LAMC3: variants seen among roughly 807,000 people sequenced by gnomAD.
LAMC3 encodes the protein laminin subunit gamma-3.
LAMC3 carries 128 observed loss-of-function variants against 173.8 expected under a neutral mutation model. The ratio of observed to expected loss-of-function variants is 0.74; its 90% CI spans 0.64 to 0.85. The LOEUF (loss-of-function observed/expected upper bound fraction) is 0.85. Among genes scored for constraint, LAMC3 ranks in the 40% least tolerant of loss-of-function variants. The probability of loss-of-function intolerance (pLI) is 0.00; values close to 1 mark genes in which losing one functional copy is unlikely to be tolerated. For synonymous variants in LAMC3, 897 were observed against 909.1 expected (o/e 0.99, Z 0.24); for missense variants, 2,022 against 2,156.0 (o/e 0.94, Z 1.23).
intron 13 of LAMC3, among the ~76,000 whole-genome samples, 181 bp from the exon 14 acceptor site, chr9:131,066,779 C>T (rs1829941550): frequency 6.6e-6 from 1 of 152,188 alleles, no homozygotes; most frequent in South Asian, 2.1e-4. Context: ...CCTAGAGGCG[C>T]AGTGGCTTGC....
rs902541016 is a variant in LAMC3, at chr9:131,066,882, T to A, written c.2348-78T>A. ...GCTCCGGGGAAGGTGGAGGGACGCT[T>A]GCTCTGCTTCACACCCACCCTCATC... On this transcript the variant is annotated intron_variant, in intron 13 of 27. Transcript: ENST00000361069. 17 of 1,575,748 alleles carry A rather than the reference T, an allele frequency of 1.1e-5. No homozygotes were observed. In the Admixed American group the frequency reaches 2.9e-4, roughly 27 times the overall value.
intron 1 of LAMC3, among the ~76,000 whole-genome samples, chr9:131,025,791 T>C (rs2133225029): frequency 6.6e-6 from 1 of 152,002 alleles, no homozygotes; most frequent in Middle Eastern, 3.4e-3. Context: ...TCTTGGGAAA[T>C]TTGGAAGATA....
At chr9:131,062,877 T>TAAA (rs760536917) in intron 13 of LAMC3, among the ~76,000 whole-genome samples, 4 of 132,362 alleles carry the variant, frequency 3.0e-5, no homozygotes, top group Non-Finnish European at 6.6e-5. Context: ...TCAAAAAAAT[T>TAAA]AAAAAAAAAA....
chr9:131,029,269 C>G lies in LAMC3; in HGVS notation c.678+2680C>G, dbSNP rs1249694720. Among the ~76,000 whole-genome samples, 1 of 152,212 alleles carries G rather than the reference C, an allele frequency of 6.6e-6. No individual in the cohort carries two copies. The highest frequency in any genetic ancestry group is 1.5e-5 in the Non-Finnish European group (1 of 68,042). On this transcript the variant is annotated intron_variant, in intron 2 of 27. Coordinates refer to ENST00000361069, the MANE Select transcript of LAMC3 (RefSeq NM_006059.4). This position sits in a 1 kb window ranked among gnomAD's most constrained non-coding sequence, Gnocchi z 4.6. ...TCTAGACGTCCAGGCCCTGCTTGTC[C>G]CACTAAAATTGTACATGTCACCATG...
At chr9:131,033,387 A>G (rs3808809) in intron 3 of LAMC3, among the ~76,000 whole-genome samples, 127,440 of 152,160 alleles carry the variant, frequency 0.84, 53,737 homozygotes, top group African/African-American at 0.94. Context: ...ACAAGGAAGG[A>G]GAGGAAAGGG....
chr9:131,022,109 G>A (rs907299875), intron 1 of LAMC3, among the ~76,000 whole-genome samples: 15 of 152,054 alleles, frequency 9.9e-5, no homozygotes. Context: ...GTGAAAGGAG[G>A]GCAGGAGAAG....
chr9:131,030,177 G>A (rs572819476), intron 2 of LAMC3, among the ~76,000 whole-genome samples: 1 of 152,024 alleles, frequency 6.6e-6, no homozygotes, highest in Non-Finnish European at 1.5e-5. Flanking sequence ...TGGTCTCAAG[G>A]GATCTGCCCG....
intron 1 of LAMC3, among the ~76,000 whole-genome samples, chr9:131,017,587 G>A (rs1445511241): frequency 2.7e-5 from 4 of 150,048 alleles, no homozygotes; most frequent in African/African-American, 7.4e-5. Flanking sequence ...TTAACCAAGC[G>A]TTGTGTTGGG....
Position 131,063,864 on chromosome 9 carries a change from C to T in LAMC3, c.2347+2641C>T, listed in dbSNP as rs143893915. ...CTGTTCCAGTTTGTCTTTTCCTTTC[C>T]GTTCCGTTCCGCCTTTTCCTTTTCA... is the stretch of plus-strand genomic sequence containing the variant. On this transcript the variant is annotated intron_variant, in intron 13 of 27. Transcript: ENST00000361069. 5.5e-3 allele frequency among the ~76,000 whole-genome samples: 843 copies of T among 152,274 alleles called. 6 individuals are homozygous for T. The highest frequency in any genetic ancestry group is 8.0e-3 in the Non-Finnish European group (544 of 68,030).
intron 1 of LAMC3, among the ~76,000 whole-genome samples, chr9:131,017,817 A>G (rs1378104461): frequency 1.3e-5 from 2 of 151,072 alleles, no homozygotes; most frequent in Non-Finnish European, 3.0e-5. Flanking sequence ...CCTTCGGTCA[A>G]GAGTTCGAGA....
chr9:131,052,353 T>A, intron 9 of LAMC3, 138 bp from the exon 10 acceptor site: 1 of 787,272 alleles, frequency 1.3e-6, no homozygotes. Flanking sequence ...CAGGGTCTGC[T>A]GTGCAGGAAG....
rs778088732 is a variant in LAMC3 at position 131,087,581 on chromosome 9, G to T, written c.4336G>T (p.Ala1446Ser). 8.1e-6 allele frequency: 13 copies of T among 1,613,920 alleles called. No individual in the cohort carries two copies. The highest frequency in any genetic ancestry group is 2.2e-5 in the South Asian group (2 of 91,096). Residue 1446 changes from alanine to serine, a missense_variant, in exon 26 of 28, where the codon GCG (alanine) becomes TCG (serine). Ala to Ser is a moderately conservative substitution (Grantham distance 99, BLOSUM62 1). Transcript: ENST00000361069. ...CCAACAGGCGTCCCAGCAGGTGCTG[G>T]CGTCTGAAGCACGCAGACAGGAGCT... is the stretch of plus-strand genomic sequence containing the variant. ...TLQQASQQVL[A>S]SEARRQELEE...
At chr9:131,083,407 G>A (rs1830276277) in intron 24 of LAMC3, among the ~76,000 whole-genome samples, 1 of 152,142 alleles carries the variant, frequency 6.6e-6, no homozygotes, top group Non-Finnish European at 1.5e-5. Context: ...CTTACCACCA[G>A]CTTGGCTGTG....
intron 1 of LAMC3, among the ~76,000 whole-genome samples, chr9:131,012,881 G>A (rs1055357160): frequency 2.0e-5 from 3 of 152,242 alleles, no homozygotes; most frequent in Non-Finnish European, 4.4e-5. Flanking sequence ...CCAGCCCCCC[G>A]TGGCTCCTGG....
chr9:131,079,600 A>G (rs899731531), intron 23 of LAMC3, among the ~76,000 whole-genome samples: 9 of 152,184 alleles, frequency 5.9e-5, no homozygotes, highest in African/African-American at 1.9e-4. Flanking sequence ...AGGCTGAGGC[A>G]GGAGAATCGC....
chr9:131,050,797 T>G (rs1441478935), intron 9 of LAMC3, among the ~76,000 whole-genome samples: 2 of 151,720 alleles, frequency 1.3e-5, no homozygotes, highest in Non-Finnish European at 2.9e-5. Flanking sequence ...AAAAGAGTAT[T>G]TAATGGTGCA....
At chr9:131,055,522 T>C (rs1216600825) in intron 11 of LAMC3, among the ~76,000 whole-genome samples, 1 of 147,114 alleles carries the variant, frequency 6.8e-6, no homozygotes, top group Non-Finnish European at 1.5e-5. Flanking sequence ...CCTCCCGGGT[T>C]CATGTCATCC....
chr9:131,026,706 T>A lies in LAMC3; in HGVS notation c.678+117T>A, dbSNP rs1459718597. ...GGGGACCTGCAAAACCCCATGGTTT[T>A]CTTTTTCTTCTTTTATTTTTGGAGA... On this transcript the variant is annotated intron_variant, in intron 2 of 27. Transcript: ENST00000361069. This position sits in a 1 kb window ranked among gnomAD's most constrained non-coding sequence, Gnocchi z 4.8. 6 of 1,412,396 alleles carry A rather than the reference T, an allele frequency of 4.2e-6. No individual in the cohort carries two copies. The African/African-American group carries it at 7.2e-5, about 17-fold the overall frequency. 87.5% of individuals were successfully genotyped at this position (1,412,396 alleles called of 1,614,324 possible).
At chr9:131,040,575 G>A (rs1001686719) in intron 6 of LAMC3, among the ~76,000 whole-genome samples, 3 of 152,156 alleles carry the variant, frequency 2.0e-5, no homozygotes, top group Non-Finnish European at 2.9e-5. Flanking sequence ...GGAGAGCTCT[G>A]ATTCCTTGTA....
Sources: allele counts gnomAD v4.1 joint callset (sites outside exome capture counted in the v4.1 genomes callset), GRCh38; gene constraint gnomAD v4.1.1; non-coding constraint Gnocchi (gnomAD v3.1); transcripts MANE v1.5; gene names NCBI Gene and HGNC (gene_info 2026-07-23, HGNC 2026-07-21).